PNLIPRP3: variants seen among roughly 807,000 people sequenced by gnomAD.
PNLIPRP3 encodes pancreatic lipase-related protein 3.
A neutral mutation model predicts 52.8 loss-of-function variants in PNLIPRP3; 58 were observed. The ratio of observed to expected loss-of-function variants is 1.10; its 90% CI spans 0.89 to 1.37. The LOEUF (loss-of-function observed/expected upper bound fraction) is 1.37. PNLIPRP3 is among the 40% of genes most tolerant of loss of function. The pLI is 0.00. For synonymous variants in PNLIPRP3, 192 were observed against 185.0 expected, an observed-to-expected ratio of 1.04 and a Z score of -0.31; for missense variants, 593 against 561.6, an observed-to-expected ratio of 1.06 and a Z score of -0.57.
chr10:116,448,566 G>A (rs1334520250), intron 4 of PNLIPRP3, among the ~76,000 whole-genome samples: 1 of 152,174 alleles, frequency 6.6e-6, no homozygotes, highest in East Asian at 1.9e-4. Flanking sequence ...GGTAATAGTG[G>A]TCCGATGTGG....
intron 4 of PNLIPRP3, among the ~76,000 whole-genome samples, chr10:116,454,488 A>T (rs1025425672): frequency 1.3e-5 from 2 of 152,210 alleles, no homozygotes; most frequent in Non-Finnish European, 2.9e-5. Context: ...ACAATGCATT[A>T]CTATTAATGC....
chr10:116,440,113 T>C lies in PNLIPRP3; in HGVS notation c.205-2942T>C, dbSNP rs1845835698. On this transcript the variant is annotated intron_variant, in intron 2 of 11. Transcript: ENST00000369230. ...GAAGAGAATCTATGTAGAATACAAG[T>C]ATTTGGGGGCACCTTCTCTGCCTTT... is the stretch of plus-strand genomic sequence containing the variant. 14 of 651,962 alleles carry C rather than the reference T, an allele frequency of 2.1e-5. No homozygotes were observed. In the South Asian group the frequency reaches 2.5e-4, roughly 12 times the overall value. The allele number at this position is 651,962 out of a possible 1,614,324, so 40.4% of individuals were successfully genotyped here. A position where few individuals can be genotyped will look rare whatever the true frequency, so the allele number is the denominator to read the frequency against.
chr10:116,458,315 G>A (rs1333477401), intron 5 of PNLIPRP3, among the ~76,000 whole-genome samples: 4 of 152,144 alleles, frequency 2.6e-5, no homozygotes. Flanking sequence ...TGTAGTAAGA[G>A]GTCATGTCTG....
chr10:116,476,796 T>C lies in PNLIPRP3; in HGVS notation c.1317T>C (p.Asn439=), dbSNP rs1272444159. 5 of 1,604,520 alleles carry C rather than the reference T, an allele frequency of 3.1e-6. No homozygotes were observed. Among genetic ancestry groups the C allele is most frequent in the Non-Finnish European group, 4.2e-6 (5 of 1,176,792 alleles). ...QNKLGAEMVI[N]TSGKYGYKST... is the part of the protein sequence containing the mutation. ...AGTTGGGAGCAGAAATGGTGATAAA[T>C]ACATCTGGGAAATATGGATATAAGT... Residue 439 remains asparagine, a synonymous_variant, in exon 11 of 12, where the codon AAT becomes AAC. Coordinates refer to ENST00000369230, the MANE Select transcript of PNLIPRP3 (RefSeq NM_001011709.3).
At chr10:116,465,597 T>C (rs1408966821) in intron 7 of PNLIPRP3, among the ~76,000 whole-genome samples, 5 of 151,922 alleles carry the variant, frequency 3.3e-5, no homozygotes, top group Admixed American at 3.3e-4. Flanking sequence ...ACCAAAAACG[T>C]TGTTCAGGAA....
Position 116,477,557 on chromosome 10 carries a change from A to T in PNLIPRP3, c.*404A>T, listed in dbSNP as rs764214089. 46 of 156,242 alleles carry T rather than the reference A, an allele frequency of 2.9e-4. No individual in the cohort carries two copies. The highest frequency in any genetic ancestry group is 3.2e-3 in the Middle Eastern group (1 of 312). The allele number at this position is 156,242 out of a possible 1,614,324, so 9.7% of individuals were successfully genotyped here. A position where few individuals can be genotyped will look rare whatever the true frequency, so the allele number is the denominator to read the frequency against. ...AATCATTGTTCTAAAATTATATAAA[A>T]CTATTTGTTATGTTGTTAAATCTTG... is the stretch of plus-strand genomic sequence containing the variant. On this transcript the variant is annotated 3_prime_UTR_variant, in exon 12 of 12. Transcript: ENST00000369230.
At chr10:116,443,734 G>A (rs1215016074) in intron 3 of PNLIPRP3, among the ~76,000 whole-genome samples, 1 of 140,348 alleles carries the variant, frequency 7.1e-6, no homozygotes, top group Non-Finnish European at 1.5e-5. Context: ...ATGCATAGGT[G>A]CTAATTACTA....
chr10:116,452,368 T>C (rs1311543915), intron 4 of PNLIPRP3, among the ~76,000 whole-genome samples: 1 of 152,218 alleles, frequency 6.6e-6, no homozygotes, highest in Non-Finnish European at 1.5e-5. Context: ...CCTAGCCATG[T>C]GGCAGACAAA....
intron 4 of PNLIPRP3, among the ~76,000 whole-genome samples, chr10:116,445,960 A>G (rs778769243): frequency 6.6e-6 from 1 of 152,170 alleles, no homozygotes; most frequent in Non-Finnish European, 1.5e-5. Context: ...GAAGATGGGG[A>G]AGAAGGAGAA....
rs961111971 is a variant in PNLIPRP3, at chr10:116,439,837, C to T, written c.204+2972C>T. The stretch of plus-strand genomic sequence containing the variant: ...ATAATCCTTCATTTCCCGATCATAG[C>T]GCACTTTAATCACCTTTGCCATTTC... On this transcript the variant is annotated intron_variant, in intron 2 of 11. Coordinates refer to ENST00000369230, the MANE Select transcript of PNLIPRP3 (RefSeq NM_001011709.3). 5 of 778,052 alleles carry T rather than the reference C, an allele frequency of 6.4e-6. No homozygotes were observed. In the African/African-American group the frequency reaches 6.8e-5, roughly 11 times the overall value. The allele number at this position is 778,052 out of a possible 1,614,324, so 48.2% of individuals were successfully genotyped here.
At chr10:116,454,199 A>C (rs952556401) in intron 4 of PNLIPRP3, among the ~76,000 whole-genome samples, 3 of 152,004 alleles carry the variant, frequency 2.0e-5, no homozygotes, top group African/African-American at 7.2e-5. Context: ...GCTCACTGCA[A>C]CCTCTGCCTT....
At chr10:116,439,643 C>T in intron 2 of PNLIPRP3, 1 of 763,230 alleles carries the variant, frequency 1.3e-6, no homozygotes, top group East Asian at 2.4e-5. Flanking sequence ...TTTTCGCTGC[C>T]ATTTAAGTTA....
intron 4 of PNLIPRP3, among the ~76,000 whole-genome samples, chr10:116,445,600 T>C (rs1845938025): frequency 1.3e-5 from 2 of 152,136 alleles, no homozygotes; most frequent in African/African-American, 4.8e-5. Context: ...AGTTTCTTTA[T>C]TGACCTTAGG....
At chr10:116,443,712 A>G (rs1401883799) in intron 3 of PNLIPRP3, among the ~76,000 whole-genome samples, 2 of 141,992 alleles carry the variant, frequency 1.4e-5, no homozygotes, top group African/African-American at 5.2e-5. Context: ...TCACTCCGTG[A>G]GATAGGTACT....
At chr10:116,462,724 G>T (rs923163548) in intron 7 of PNLIPRP3, among the ~76,000 whole-genome samples, 4 of 152,042 alleles carry the variant, frequency 2.6e-5, no homozygotes, top group African/African-American at 9.7e-5. Context: ...TTACGACTAT[G>T]AATCCTTTCT....
At chr10:116,431,021 A>G (rs1411603422) in intron 1 of PNLIPRP3, among the ~76,000 whole-genome samples, 1 of 152,174 alleles carries the variant, frequency 6.6e-6, no homozygotes, top group African/African-American at 2.4e-5. Flanking sequence ...TTCACAATTA[A>G]TGGCCTTCCA....
intron 5 of PNLIPRP3, among the ~76,000 whole-genome samples, chr10:116,456,778 C>T (rs1053183986): frequency 3.9e-5 from 6 of 152,178 alleles, no homozygotes; most frequent in African/African-American, 1.4e-4. Context: ...CTCTGCATCC[C>T]CCCACCAACA....
rs751748770 is a variant in PNLIPRP3, at chr10:116,444,451, C to G, written c.394C>G (p.His132Asp). 1.2e-6 allele frequency: 2 copies of G among 1,613,156 alleles called. No individual in the cohort carries two copies. Among genetic ancestry groups the G allele is most frequent in the South Asian group, 2.2e-5 (2 of 91,052 alleles). The change falls in exon 4 of 12, where the codon CAT becomes GAT. Residue 132 changes from histidine (H) to aspartate (D), a missense_variant. Physicochemically the swap from His to Asp is moderately conservative, Grantham distance 81 (BLOSUM62 -1). Transcript: ENST00000369230. ...DWINGSREYI[H>D]AVNNLRVVGA... ...GATCAACGGTTCACGGGAATACATC[C>G]ATGCTGTAAACAATCTCCGTGTTGT...
intron 5 of PNLIPRP3, among the ~76,000 whole-genome samples, chr10:116,456,796 A>G (rs1386078814): frequency 6.6e-6 from 1 of 152,150 alleles, no homozygotes; most frequent in Non-Finnish European, 1.5e-5. Context: ...ACAGCCAGTA[A>G]GCAAGCCCCA....
Sources: allele counts gnomAD v4.1 joint callset (sites outside exome capture counted in the v4.1 genomes callset), GRCh38; gene constraint gnomAD v4.1.1; transcripts MANE v1.5; gene names NCBI Gene and HGNC (gene_info 2026-07-23, HGNC 2026-07-21).